The following SV2C variants were observed in gnomAD, a reference collection of about 807,000 sequenced individuals.
SV2C encodes solute carrier family 22 member B3.
In SV2C, 49 loss-of-function variants were observed where a neutral mutation model predicts 79.7. The ratio of observed to expected loss-of-function variants is 0.61; its 90% CI spans 0.49 to 0.78. The LOEUF (loss-of-function observed/expected upper bound fraction) is 0.78. Ranked by LOEUF, SV2C falls within the 30% of genes least tolerant of loss-of-function variation. The probability of loss-of-function intolerance (pLI) is 0.00; values close to 1 mark genes in which losing one functional copy is unlikely to be tolerated. For missense variants in SV2C, 833 were observed against 912.9 expected (o/e 0.91, Z 1.13); for synonymous variants, 334 against 333.2 (o/e 1.00, Z -0.03).
intron 12 of SV2C, chr5:76,311,334 A>G (rs927165937): frequency 1.2e-4 from 18 of 152,418 alleles, no homozygotes; most frequent in Admixed American, 3.9e-4. Context: ...CTTCTCCCCA[A>G]GGCTCTTAAT....
chr5:76,026,915 G>T, the SV2C span, among the ~76,000 whole-genome samples: 17 of 152,052 alleles, frequency 1.1e-4, no homozygotes, highest in Admixed American at 9.2e-4. Context: ...TGGAGGGCTG[G>T]CATCCAGACG....
the SV2C span, among the ~76,000 whole-genome samples, chr5:75,913,414 G>GC: frequency 1.3e-5 from 2 of 152,204 alleles, no homozygotes; most frequent in East Asian, 3.8e-4. Context: ...GAGCCTCAGG[G>GC]TCCCAGGCAG....
At chr5:76,144,014 G>C (rs999915966) in intron 2 of SV2C, among the ~76,000 whole-genome samples, 1 of 51,014 alleles carries the variant, frequency 2.0e-5, no homozygotes, top group Non-Finnish European at 8.8e-5. Flanking sequence ...AAACTTGATG[G>C]CCTAATTTTC....
the SV2C span, chr5:75,910,424 CT>C: frequency 1.7e-6 from 1 of 594,240 alleles, no homozygotes; most frequent in Non-Finnish European, 3.2e-6. Context: ...TTCTGATACT[CT>C]TTTTGAACTT....
intron 4 of SV2C, among the ~76,000 whole-genome samples, chr5:76,217,020 G>A (rs780671419): frequency 6.6e-6 from 1 of 152,194 alleles, no homozygotes; most frequent in Admixed American, 6.5e-5. Flanking sequence ...TGTAGCAAAG[G>A]TGTTCAATTA....
chr5:76,132,636 T>C (rs776105872), intron 2 of SV2C, among the ~76,000 whole-genome samples: 4 of 152,200 alleles, frequency 2.6e-5, no homozygotes, highest in Non-Finnish European at 4.4e-5. Flanking sequence ...ATTTTTATCA[T>C]AGTTGCATTG....
chr5:76,298,086 A>G (rs1561304247), intron 9 of SV2C, among the ~76,000 whole-genome samples: 1 of 152,260 alleles, frequency 6.6e-6, no homozygotes, highest in East Asian at 1.9e-4. Flanking sequence ...TCCCCCTTAT[A>G]ATACCCAAAA....
rs185563342 is a variant in SV2C at position 76,218,414 on chromosome 5, A to G, written c.913+8527A>G. 2.4e-4 allele frequency among the ~76,000 whole-genome samples: 36 copies of G among 152,366 alleles called. No homozygotes were observed. The East Asian group carries it at 5.4e-3, about 23-fold the overall frequency. On this transcript the variant is annotated intron_variant, in intron 4 of 12. Transcript: ENST00000502798. Reference sequence around the variant, plus strand: ...ATGTGGCATATATACAACATGGAATACTATGCAGCCATAAAAAATAATGAG... The same window carrying G: ...ATGTGGCATATATACAACATGGAATGCTATGCAGCCATAAAAAATAATGAG...
intron 4 of SV2C, among the ~76,000 whole-genome samples, chr5:76,271,518 T>A (rs1561292550): frequency 6.6e-6 from 1 of 151,684 alleles, no homozygotes; most frequent in Non-Finnish European, 1.5e-5. Context: ...GGGTACACAA[T>A]CTTTTGGAGC....
intron 2 of SV2C, among the ~76,000 whole-genome samples, chr5:76,192,360 G>A (rs1161196810): frequency 6.6e-6 from 1 of 152,186 alleles, no homozygotes; most frequent in Admixed American, 6.6e-5. Flanking sequence ...TAAAAGACCT[G>A]ATTTCAAGTT....
intron 2 of SV2C, among the ~76,000 whole-genome samples, chr5:76,185,149 T>C (rs1190621420): frequency 6.6e-6 from 1 of 152,210 alleles, no homozygotes; most frequent in Non-Finnish European, 1.5e-5. Flanking sequence ...TTTCTTTGAC[T>C]CCATATCTCA....
chr5:76,129,210 G>A (rs1324500861), intron 1 of SV2C, among the ~76,000 whole-genome samples: 3 of 152,130 alleles, frequency 2.0e-5, no homozygotes, highest in Non-Finnish European at 4.4e-5. Flanking sequence ...AACCCCAATG[G>A]CAATATCTAC....
intron 4 of SV2C, among the ~76,000 whole-genome samples, chr5:76,255,743 C>T (rs1321253280): frequency 6.6e-6 from 1 of 152,130 alleles, no homozygotes; most frequent in Non-Finnish European, 1.5e-5. Flanking sequence ...CTTATGCGCC[C>T]CCCTCACCCC....
At chr5:76,270,954 A>G (rs969305047) in intron 4 of SV2C, among the ~76,000 whole-genome samples, 2 of 151,950 alleles carry the variant, frequency 1.3e-5, no homozygotes, top group African/African-American at 4.8e-5. Flanking sequence ...TTTTTAGTAG[A>G]GACGGGGTTT....
At chr5:75,992,903 T>C in the SV2C span, among the ~76,000 whole-genome samples, 3 of 151,976 alleles carry the variant, frequency 2.0e-5, no homozygotes, top group Admixed American at 6.6e-5. Context: ...CCAGAGGAAG[T>C]GATACTGGCA....
chr5:76,256,683 AAG>A (rs1245175497), intron 4 of SV2C, among the ~76,000 whole-genome samples: 2 of 152,224 alleles, frequency 1.3e-5, no homozygotes, highest in Non-Finnish European at 2.9e-5. Flanking sequence ...TGAGCTCTGA[AAG>A]AGAGCAGTTT....
At chr5:76,203,258 C>T (rs1011314119) in intron 3 of SV2C, among the ~76,000 whole-genome samples, 1 of 152,030 alleles carries the variant, frequency 6.6e-6, no homozygotes, top group Non-Finnish European at 1.5e-5. Flanking sequence ...GCACCTCCAA[C>T]AACTGGTGAT....
chr5:76,139,738 G>T (rs1749191082), intron 2 of SV2C, among the ~76,000 whole-genome samples: 1 of 151,912 alleles, frequency 6.6e-6, no homozygotes, highest in Non-Finnish European at 1.5e-5. Flanking sequence ...AGAGTCAATT[G>T]GTATACTGGA....
intron 4 of SV2C, among the ~76,000 whole-genome samples, chr5:76,218,706 G>T (rs1051025056): frequency 9.8e-5 from 13 of 132,790 alleles, no homozygotes; most frequent in African/African-American, 3.7e-4. Flanking sequence ...CATGGCATAT[G>T]TATAACTATA....
Sources: allele counts gnomAD v4.1 joint callset (sites outside exome capture counted in the v4.1 genomes callset), GRCh38; gene constraint gnomAD v4.1.1; transcripts MANE v1.5; gene names NCBI Gene and HGNC (gene_info 2026-07-23, HGNC 2026-07-21).